The following EYS variants were observed in gnomAD, a reference collection of about 807,000 sequenced individuals.
EYS encodes protein eyes shut homolog.
A neutral mutation model predicts 282.1 loss-of-function variants in EYS; 250 were observed. That is an observed-to-expected ratio of 0.89 (90% CI 0.80 to 0.98). The LOEUF (loss-of-function observed/expected upper bound fraction) is 0.98, where lower values mean the gene tolerates loss of function less well. Among genes scored for constraint, EYS ranks in the 50% least tolerant of loss-of-function variants. EYS has a pLI of 0.00. For missense variants in EYS, 4,016 were observed against 3,709.0 expected (o/e 1.08, Z -2.15); for synonymous variants, 1,355 against 1,282.9 (o/e 1.06, Z -1.20).
intron 35 of EYS, among the ~76,000 whole-genome samples, chr6:63,977,274 C>T (rs1356212382): frequency 1.3e-5 from 2 of 151,896 alleles, no homozygotes; most frequent in African/African-American, 4.8e-5. Flanking sequence ...TCACTTCAAA[C>T]GTTTATAATT....
intron 26 of EYS, among the ~76,000 whole-genome samples, chr6:64,549,304 T>C (rs10498824): frequency 0.094 from 14,387 of 152,276 alleles, 861 homozygotes; most frequent in East Asian, 0.16. Flanking sequence ...TCCTGGAAGA[T>C]GCCAATGGTA....
At chr6:65,588,944 T>C (rs1582489754) in intron 2 of EYS, among the ~76,000 whole-genome samples, 1 of 152,042 alleles carries the variant, frequency 6.6e-6, no homozygotes, top group African/African-American at 2.4e-5. Flanking sequence ...TTTTATATTT[T>C]TGAAACCCCT....
intron 29 of EYS, among the ~76,000 whole-genome samples, chr6:64,331,736 G>C (rs1770654711): frequency 6.6e-6 from 1 of 152,206 alleles, no homozygotes; most frequent in South Asian, 2.1e-4. Flanking sequence ...TGTTTAACTT[G>C]TGCCCAAAAC....
At chr6:63,928,602 C>A (rs556572837) in intron 35 of EYS, among the ~76,000 whole-genome samples, 32 of 152,062 alleles carry the variant, frequency 2.1e-4, no homozygotes, top group Non-Finnish European at 4.1e-4. Context: ...AAGTATATAT[C>A]GTTACATATA....
At chr6:63,805,360 C>T (rs1375417097) in intron 37 of EYS, among the ~76,000 whole-genome samples, 1 of 152,176 alleles carries the variant, frequency 6.6e-6, no homozygotes, top group Non-Finnish European at 1.5e-5. Context: ...TACTTTGTTA[C>T]AGGCTGAGTA....
At chr6:65,110,697 A>C (rs946841034) in intron 12 of EYS, among the ~76,000 whole-genome samples, 3 of 152,020 alleles carry the variant, frequency 2.0e-5, no homozygotes, top group Non-Finnish European at 4.4e-5. Flanking sequence ...TCTTTTTTTC[A>C]AAATAAATGT....
intron 12 of EYS, among the ~76,000 whole-genome samples, chr6:65,149,585 T>A (rs1404539457): frequency 6.6e-6 from 1 of 151,382 alleles, no homozygotes; most frequent in Non-Finnish European, 1.5e-5. Context: ...CTCAACTCCA[T>A]CTGAGACCAC....
intron 6 of EYS, among the ~76,000 whole-genome samples, chr6:65,404,291 A>G (rs1291521516): frequency 1.3e-5 from 2 of 152,110 alleles, no homozygotes; most frequent in African/African-American, 2.4e-5. Context: ...AATCCAAGAT[A>G]ACATCAGCTG....
At chr6:63,791,078 G>A (rs80004581) in intron 37 of EYS, among the ~76,000 whole-genome samples, 2,937 of 152,172 alleles carry the variant, frequency 0.019, 96 homozygotes, top group African/African-American at 0.067. Flanking sequence ...AACAAATGGG[G>A]GCAGCCATTA....
At chr6:65,491,393 T>C (rs1370070619) in intron 4 of EYS, 2 of 311,946 alleles carry the variant, frequency 6.4e-6, no homozygotes, top group Non-Finnish European at 1.3e-5. Flanking sequence ...TCCCAGGGCA[T>C]AGCAAGTGGA....
chr6:65,586,104 G>A (rs527952296), intron 2 of EYS, among the ~76,000 whole-genome samples: 227 of 152,028 alleles, frequency 1.5e-3, no homozygotes, highest in African/African-American at 5.4e-3. Context: ...TATGGTTTCA[G>A]GAATGTCTGC....
At chr6:64,114,996 C>A (rs1348733211) in intron 31 of EYS, among the ~76,000 whole-genome samples, 1 of 152,134 alleles carries the variant, frequency 6.6e-6, no homozygotes, top group Non-Finnish European at 1.5e-5. Flanking sequence ...ATCATTGGAG[C>A]CACTGCCAAA....
At chr6:64,363,783 C>T (rs1772101656) in intron 29 of EYS, among the ~76,000 whole-genome samples, 1 of 151,890 alleles carries the variant, frequency 6.6e-6, no homozygotes, top group Non-Finnish European at 1.5e-5. Context: ...TCATTTCTTA[C>T]ATTTAACTTT....
At chr6:64,339,128 A>C (rs1770987592) in intron 29 of EYS, among the ~76,000 whole-genome samples, 1 of 151,988 alleles carries the variant, frequency 6.6e-6, no homozygotes, top group Non-Finnish European at 1.5e-5. Context: ...AACAAAGATA[A>C]ATAATTGGGA....
intron 13 of EYS, among the ~76,000 whole-genome samples, chr6:65,042,039 C>G (rs999391029): frequency 1.4e-4 from 21 of 151,728 alleles, no homozygotes; most frequent in African/African-American, 5.1e-4. Flanking sequence ...ATTATTATTT[C>G]TCATGAATCT....
At chr6:65,384,912 A>G (rs1477728897) in intron 7 of EYS, among the ~76,000 whole-genome samples, 4 of 152,034 alleles carry the variant, frequency 2.6e-5, no homozygotes, top group African/African-American at 9.6e-5. Context: ...GAGACAGGAT[A>G]GAGTGCCAGT....
chr6:65,517,515 G>T (rs1206064543), intron 2 of EYS, among the ~76,000 whole-genome samples: 1 of 151,898 alleles, frequency 6.6e-6, no homozygotes, highest in Non-Finnish European at 1.5e-5. Flanking sequence ...TGTAAAGTGA[G>T]GTTACGGGTA....
chr6:64,989,285 C>T (rs1032514187), intron 14 of EYS, among the ~76,000 whole-genome samples: 24 of 149,440 alleles, frequency 1.6e-4, no homozygotes, highest in African/African-American at 5.6e-4. Flanking sequence ...GAGCACACTA[C>T]AAAATTTAAC....
At position 64,669,660 on chromosome 6, in the gene EYS, TG is replaced by T. The variant is rs200626340; in HGVS notation, c.3444-43416del. Among the ~76,000 whole-genome samples, 509 of 152,328 alleles carry T rather than the reference TG, an allele frequency of 3.3e-3. 4 individuals are homozygous for T. The highest frequency in any genetic ancestry group is 6.8e-3 in the Middle Eastern group (2 of 294). On this transcript the variant is annotated intron_variant, in intron 22 of 42. Coordinates refer to ENST00000503581, the MANE Select transcript of EYS (RefSeq NM_001142800.2). ...AAATCTCTGCAGAGCCTTGGTTGCT[TG>T]GGCCTCAGGATTTATAAAAGCTATG...
Sources: allele counts gnomAD v4.1 joint callset (sites outside exome capture counted in the v4.1 genomes callset), GRCh38; gene constraint gnomAD v4.1.1; transcripts MANE v1.5; gene names NCBI Gene and HGNC (gene_info 2026-07-23, HGNC 2026-07-21).